The following ENTHD1 variants were observed in gnomAD, a reference collection of about 807,000 sequenced individuals.
ENTHD1 encodes the protein ENTH domain-containing protein 1.
In ENTHD1, 23 loss-of-function variants were observed where a neutral mutation model predicts 39.1. The observed-to-expected ratio is 0.59, with a 90% CI of 0.42 to 0.83. The LOEUF is 0.83. Among genes scored for constraint, ENTHD1 ranks in the 40% least tolerant of loss-of-function variants. ENTHD1 has a pLI of 0.00. For synonymous variants in ENTHD1, 230 were observed against 258.2 expected (o/e 0.89, Z 1.05); for missense variants, 624 against 705.4 (o/e 0.88, Z 1.31).
At position 39,887,894 on chromosome 22, in the gene ENTHD1, T is replaced by C. The variant is rs1373521594; in HGVS notation, c.-146A>G. 1.7e-6 allele frequency: 1 copy of C among 573,758 alleles called. No individual in the cohort carries two copies. Among genetic ancestry groups the C allele is most frequent in the East Asian group, 3.0e-5 (1 of 33,022 alleles). The allele number at this position is 573,758 out of a possible 1,614,324, so 35.5% of individuals were successfully genotyped here. A position where few individuals can be genotyped will look rare whatever the true frequency, so the allele number is the denominator to read the frequency against. On this transcript the variant is annotated 5_prime_UTR_variant, in exon 2 of 7. In the 5' UTR this introduces an upstream ATG that the reference lacks. Transcript: ENST00000325157. ...ATAATTAATCTCTATGTTGATAAAGTATCAATTTCCTGCAAGGAAAGCACA... is the reference window on the plus strand; with the variant it reads ...ATAATTAATCTCTATGTTGATAAAGCATCAATTTCCTGCAAGGAAAGCACA...
intron 5 of ENTHD1, among the ~76,000 whole-genome samples, chr22:39,778,615 T>G (rs941349283): frequency 1.3e-5 from 2 of 152,332 alleles, no homozygotes; most frequent in Admixed American, 6.5e-5. Context: ...CTTTAAATAT[T>G]ACAGTATACC....
chr22:39,883,279 G>C lies in ENTHD1; in HGVS notation c.349+4121C>G, dbSNP rs573951908. ...TCATAAAGTCTAGCATAGTGTACTT[G>C]TACTTACTTTTTTGGTGCTAAGATC... On this transcript the variant is annotated intron_variant, in intron 2 of 6. Coordinates refer to ENST00000325157, the MANE Select transcript of ENTHD1 (RefSeq NM_152512.4). Among the ~76,000 whole-genome samples the C allele has an allele frequency of 7.9e-5, 12 of 151,976 alleles. No homozygotes were observed. The South Asian group carries it at 2.5e-3, about 32-fold the overall frequency.
chr22:39,884,205 G>T (rs1054363844), intron 2 of ENTHD1, among the ~76,000 whole-genome samples: 1 of 151,726 alleles, frequency 6.6e-6, no homozygotes, highest in Admixed American at 6.6e-5. Context: ...CTGAGACAGA[G>T]TCTCACTCTG....
intron 5 of ENTHD1, among the ~76,000 whole-genome samples, chr22:39,772,350 C>T: frequency 6.6e-6 from 1 of 152,150 alleles, no homozygotes; most frequent in East Asian, 1.9e-4. Flanking sequence ...TAACAGGTCA[C>T]AGACTGGTAC....
intron 3 of ENTHD1, among the ~76,000 whole-genome samples, chr22:39,848,861 G>A (rs537266896): frequency 6.6e-6 from 1 of 152,116 alleles, no homozygotes; most frequent in South Asian, 2.1e-4. Flanking sequence ...TCAAAGTTTT[G>A]CCTTTTTACC....
chr22:39,878,237 T>A (rs1327831364), intron 2 of ENTHD1, among the ~76,000 whole-genome samples: 1 of 152,088 alleles, frequency 6.6e-6, no homozygotes, highest in Non-Finnish European at 1.5e-5. Flanking sequence ...GACATCTCAA[T>A]AGAAACCACT....
intron 6 of ENTHD1, among the ~76,000 whole-genome samples, chr22:39,759,816 C>T (rs1253688472): frequency 1.3e-5 from 2 of 151,858 alleles, no homozygotes; most frequent in Non-Finnish European, 2.9e-5. Context: ...CTTCAGATTT[C>T]TTCTTTGACT....
chr22:39,787,452 G>T (rs1040878517), intron 5 of ENTHD1, among the ~76,000 whole-genome samples: 8 of 152,178 alleles, frequency 5.3e-5, no homozygotes, highest in African/African-American at 1.9e-4. Flanking sequence ...GAGACCAAAA[G>T]CTAGGCCTCT....
At chr22:39,854,161 G>C (rs1274119089) in intron 3 of ENTHD1, among the ~76,000 whole-genome samples, 1 of 152,154 alleles carries the variant, frequency 6.6e-6, no homozygotes, top group Non-Finnish European at 1.5e-5. Context: ...AGAGAACATG[G>C]AGAAAGCCCA....
At chr22:39,810,103 G>A (rs1354179292) in intron 5 of ENTHD1, among the ~76,000 whole-genome samples, 1 of 152,136 alleles carries the variant, frequency 6.6e-6, no homozygotes, top group South Asian at 2.1e-4. Flanking sequence ...CTTCTTGAGG[G>A]GAAGGTCTGA....
At chr22:39,857,719 TCA>T (rs1451993588) in intron 3 of ENTHD1, among the ~76,000 whole-genome samples, 6 of 152,098 alleles carry the variant, frequency 3.9e-5, no homozygotes, top group Admixed American at 2.6e-4. Context: ...ATAAAGCCAC[TCA>T]CACAAACATT....
At chr22:39,851,506 C>G (rs1282023375) in intron 3 of ENTHD1, among the ~76,000 whole-genome samples, 2 of 152,168 alleles carry the variant, frequency 1.3e-5, no homozygotes. Flanking sequence ...TGCTTACCTC[C>G]TCCTGTTTTG....
intron 5 of ENTHD1, among the ~76,000 whole-genome samples, chr22:39,798,614 G>A (rs2065570654): frequency 6.6e-6 from 1 of 152,164 alleles, no homozygotes; most frequent in Admixed American, 6.5e-5. Flanking sequence ...GCCAGTCCTT[G>A]GGCCCCAGTG....
chr22:39,847,064 T>G (rs2065994647), intron 3 of ENTHD1, among the ~76,000 whole-genome samples: 1 of 151,986 alleles, frequency 6.6e-6, no homozygotes, highest in South Asian at 2.1e-4. Flanking sequence ...AAAGGACACA[T>G]GCACACGTAT....
intron 2 of ENTHD1, among the ~76,000 whole-genome samples, chr22:39,863,458 G>T (rs2066160184): frequency 6.6e-6 from 1 of 152,060 alleles, no homozygotes; most frequent in Non-Finnish European, 1.5e-5. Context: ...TCAGTCAGGT[G>T]GTCTATCTGG....
intron 5 of ENTHD1, among the ~76,000 whole-genome samples, chr22:39,787,865 C>A (rs189729831): frequency 6.6e-6 from 1 of 152,190 alleles, no homozygotes; most frequent in African/African-American, 2.4e-5. Context: ...CTACACTAAA[C>A]AACAGATTTT....
At chr22:39,801,017 G>T (rs1366678002) in intron 5 of ENTHD1, among the ~76,000 whole-genome samples, 1 of 152,188 alleles carries the variant, frequency 6.6e-6, no homozygotes, top group African/African-American at 2.4e-5. Flanking sequence ...TATTCTAACA[G>T]CCCGGGCAGG....
intron 3 of ENTHD1, among the ~76,000 whole-genome samples, 190 bp downstream of exon 3, chr22:39,861,575 A>C (rs974338570): frequency 3.3e-5 from 5 of 152,032 alleles, no homozygotes; most frequent in Non-Finnish European, 7.4e-5. Flanking sequence ...GCAAACAAAT[A>C]AACTTTAAAA....
At chr22:39,797,148 A>G (rs2065557258) in intron 5 of ENTHD1, among the ~76,000 whole-genome samples, 1 of 152,176 alleles carries the variant, frequency 6.6e-6, no homozygotes. Context: ...TTTGACTTAA[A>G]GTCTGTTTCA....
Sources: gnomAD v4.1 joint callset for allele counts (sites outside exome capture counted in the v4.1 genomes callset) on GRCh38, gnomAD v4.1.1 for gene constraint, MANE v1.5 for transcripts, NCBI Gene and HGNC (gene_info 2026-07-23, HGNC 2026-07-21) for gene names.